DENND2A: variants seen among roughly 807,000 people sequenced by gnomAD.
The protein encoded by DENND2A is DENN domain containing 2A.
A neutral mutation model predicts 105.3 loss-of-function variants in DENND2A; 53 were observed. The observed-to-expected ratio is 0.50, with a 90% CI of 0.40 to 0.63. DENND2A has a LOEUF of 0.63. DENND2A is among the 30% of genes least tolerant of loss of function. The probability of loss-of-function intolerance (pLI) is 0.00; values close to 1 mark genes in which losing one functional copy is unlikely to be tolerated. For synonymous variants in DENND2A, 522 were observed against 508.4 expected (o/e 1.03, Z -0.36); for missense variants, 1,138 against 1,279.6 (o/e 0.89, Z 1.69).
intron 9 of DENND2A, among the ~76,000 whole-genome samples, chr7:140,563,943 C>T (rs961090171): frequency 1.3e-5 from 2 of 152,124 alleles, no homozygotes; most frequent in Admixed American, 1.3e-4. Context: ...CGTGCCACTC[C>T]ATGCCATCCT....
intron 1 of DENND2A, among the ~76,000 whole-genome samples, chr7:140,629,305 C>A (rs1008707276): frequency 6.6e-6 from 1 of 152,004 alleles, no homozygotes; most frequent in Non-Finnish European, 1.5e-5. Flanking sequence ...AGGAGGACAA[C>A]GAAAGGGGAG....
At chr7:140,594,081 T>A (rs1799179922) in intron 3 of DENND2A, among the ~76,000 whole-genome samples, 1 of 151,974 alleles carries the variant, frequency 6.6e-6, no homozygotes, top group Admixed American at 6.6e-5. Context: ...TAATTTTTTG[T>A]ATATTTACCC....
chr7:140,544,354 C>G (rs555647061), intron 14 of DENND2A: 327 of 552,438 alleles, frequency 5.9e-4, no homozygotes, highest in Non-Finnish European at 5.1e-4. Flanking sequence ...GCCACCATGG[C>G]TGGCTAATTT....
chr7:140,579,314 T>C (rs553597), intron 5 of DENND2A, among the ~76,000 whole-genome samples: 1 of 150,712 alleles, frequency 6.6e-6, no homozygotes, highest in Admixed American at 6.6e-5. Context: ...ATAATAATAA[T>C]AAAAAGAAAT....
At chr7:140,625,402 G>A (rs1216686166) in intron 1 of DENND2A, among the ~76,000 whole-genome samples, 1 of 148,700 alleles carries the variant, frequency 6.7e-6, no homozygotes, top group African/African-American at 2.5e-5. Context: ...AGAACAGTCT[G>A]GGTGCTGTGG....
chr7:140,580,212 A>G (rs534149335), intron 5 of DENND2A, among the ~76,000 whole-genome samples: 2 of 152,378 alleles, frequency 1.3e-5, no homozygotes, highest in South Asian at 4.1e-4. Context: ...TAAACTTTGC[A>G]GTAATTGAAA....
chr7:140,518,882 A>C, intron 19 of DENND2A, 144 bp from the exon 20 acceptor site: 1 of 686,154 alleles, frequency 1.5e-6, no homozygotes, highest in South Asian at 1.8e-5. Flanking sequence ...GGAGAAGCCA[A>C]AGGGGCTTTG....
intron 14 of DENND2A, among the ~76,000 whole-genome samples, chr7:140,542,209 T>C (rs1312970872): frequency 6.6e-6 from 1 of 152,218 alleles, no homozygotes; most frequent in Non-Finnish European, 1.5e-5. Flanking sequence ...AAGAAGGCTC[T>C]GATTCAGTAT....
Position 140,573,802 on chromosome 7 carries a change from C to T in DENND2A, c.1446+6G>A. On this transcript the variant is annotated splice_donor_region_variant and intron_variant, in intron 6 of 19. Transcript: ENST00000496613. ...ACCTGAGCATGAAGCTTGTTGCCACCATTACCTTGGGTATCTTTCTCTTCT... is the reference window on the plus strand; with the variant it reads ...ACCTGAGCATGAAGCTTGTTGCCACTATTACCTTGGGTATCTTTCTCTTCT... 6.2e-7 allele frequency: 1 copy of T among 1,612,786 alleles called. No homozygotes were observed. Among genetic ancestry groups the T allele is most frequent in the Non-Finnish European group, 8.5e-7 (1 of 1,179,284 alleles).
At chr7:140,573,689 G>T in intron 6 of DENND2A, 119 bp downstream of exon 6, 4 of 1,182,372 alleles carry the variant, frequency 3.4e-6, no homozygotes, top group Non-Finnish European at 4.8e-6. Flanking sequence ...CCCCTGGCCT[G>T]CAGCAACACA....
chr7:140,549,829 C>T (rs1218942602), intron 12 of DENND2A, among the ~76,000 whole-genome samples: 1 of 151,958 alleles, frequency 6.6e-6, no homozygotes, highest in Non-Finnish European at 1.5e-5. Flanking sequence ...ACAATGGCCA[C>T]AACGTGGAAA....
rs564849425 is a variant in DENND2A, at chr7:140,527,084, A to C, written c.2505+234T>G. 7.9e-5 allele frequency among the ~76,000 whole-genome samples: 12 copies of C among 152,292 alleles called. No individual in the cohort carries two copies. The East Asian group carries it at 1.5e-3, about 20-fold the overall frequency. On this transcript the variant is annotated intron_variant, in intron 15 of 19. Transcript: ENST00000496613. The surrounding 1 kb of genome is among the most constrained non-coding windows in gnomAD (Gnocchi z 4.9). ...ATTGTTCATTGCTGACCTTCTCAAG[A>C]GGTGCTCATACCAGGCATTTCATTT...
chr7:140,600,968 G>C (rs187937244), intron 3 of DENND2A, among the ~76,000 whole-genome samples: 1 of 152,318 alleles, frequency 6.6e-6, no homozygotes, highest in East Asian at 1.9e-4. Context: ...GGCTTCGAGA[G>C]GTTAGATAAC....
At chr7:140,612,941 G>A (rs926533509) in intron 1 of DENND2A, among the ~76,000 whole-genome samples, 2 of 151,198 alleles carry the variant, frequency 1.3e-5, no homozygotes, top group African/African-American at 4.9e-5. Context: ...ATGGAGAAAC[G>A]CTGTCTCTAC....
intron 14 of DENND2A, among the ~76,000 whole-genome samples, chr7:140,531,713 G>C (rs1442092999): frequency 6.6e-6 from 1 of 151,748 alleles, no homozygotes; most frequent in African/African-American, 2.4e-5. Flanking sequence ...TACTCAGGAG[G>C]CTGAGGCAGG....
At chr7:140,610,265 C>T (rs547156099) in intron 1 of DENND2A, among the ~76,000 whole-genome samples, 7 of 151,040 alleles carry the variant, frequency 4.6e-5, no homozygotes, top group Admixed American at 2.6e-4. Flanking sequence ...GCCACTGTGC[C>T]CAGCCTCACT....
chr7:140,636,840 T>C (rs184663989), intron 1 of DENND2A, among the ~76,000 whole-genome samples: 124 of 152,056 alleles, frequency 8.2e-4, no homozygotes, highest in African/African-American at 2.7e-3. Context: ...CAGGTGTGTG[T>C]CACTGTGTGT....
At chr7:140,588,755 T>G (rs1237555672) in intron 3 of DENND2A, among the ~76,000 whole-genome samples, 1 of 146,332 alleles carries the variant, frequency 6.8e-6, no homozygotes, top group Non-Finnish European at 1.5e-5. Context: ...TCTTATCCAC[T>G]TTTTTTGGCA....
intron 12 of DENND2A, among the ~76,000 whole-genome samples, chr7:140,554,368 G>A (rs916312346): frequency 1.3e-5 from 2 of 151,020 alleles, no homozygotes; most frequent in African/African-American, 4.9e-5. Flanking sequence ...GGCCAGACGC[G>A]GTGGCTCACG....
Sources: allele counts gnomAD v4.1 joint callset (sites outside exome capture counted in the v4.1 genomes callset), GRCh38; gene constraint gnomAD v4.1.1; non-coding constraint Gnocchi (gnomAD v3.1); transcripts MANE v1.5; gene names NCBI Gene and HGNC (gene_info 2026-07-23, HGNC 2026-07-21).